Variants in XPR1 observed in about 807,000 individuals in gnomAD.
XPR1 encodes xenotropic and polytropic retrovirus receptor 1, also known as solute carrier family 53 member 1.
XPR1 carries 28 observed loss-of-function variants against 87.5 expected under a neutral mutation model. The observed-to-expected ratio is 0.32, with a 90% CI of 0.24 to 0.44. The LOEUF (loss-of-function observed/expected upper bound fraction) is 0.44. XPR1 is among the 20% of genes least tolerant of loss of function. The pLI is 1.00. For missense variants in XPR1, 559 were observed against 862.3 expected, an observed-to-expected ratio of 0.65 and a Z score of 4.41; for synonymous variants, 300 against 306.1, an observed-to-expected ratio of 0.98 and a Z score of 0.21.
chr1:180,846,708 A>G (rs539179384), intron 11 of XPR1, among the ~76,000 whole-genome samples: 2 of 152,134 alleles, frequency 1.3e-5, no homozygotes, highest in East Asian at 1.9e-4. Flanking sequence ...CGGGCTCCCA[A>G]AGTGTTGGGA....
At chr1:180,789,673 G>A (rs1649304968) in intron 3 of XPR1, among the ~76,000 whole-genome samples, 1 of 151,656 alleles carries the variant, frequency 6.6e-6, no homozygotes, top group Admixed American at 6.6e-5. Context: ...TCTTGCCTCT[G>A]TCTTCCTAAG....
At chr1:180,670,194 G>GT (rs1363392812) in intron 1 of XPR1, among the ~76,000 whole-genome samples, 1 of 152,002 alleles carries the variant, frequency 6.6e-6, no homozygotes, top group Non-Finnish European at 1.5e-5. Flanking sequence ...GCCAATTTCT[G>GT]TTTTTTCATT....
At chr1:180,710,987 G>A (rs182406144) in intron 2 of XPR1, among the ~76,000 whole-genome samples, 2,400 of 150,962 alleles carry the variant, frequency 0.016, 32 homozygotes, top group African/African-American at 0.032. Flanking sequence ...GGTGGCTGCC[G>A]GGCGGAGGGG....
chr1:180,674,267 G>GT (rs1340204216), intron 1 of XPR1, among the ~76,000 whole-genome samples: 22 of 152,064 alleles, frequency 1.4e-4, no homozygotes, highest in African/African-American at 5.3e-4. Flanking sequence ...TTGTTTTTGT[G>GT]TTTGTTTTTG....
chr1:180,837,776 A>G (rs184211981), intron 11 of XPR1, among the ~76,000 whole-genome samples: 1 of 152,284 alleles, frequency 6.6e-6, no homozygotes, highest in African/African-American at 2.4e-5. Flanking sequence ...ATTTTAACTC[A>G]TACTGTGGAA....
chr1:180,834,699 C>A (rs1419025480), intron 9 of XPR1, among the ~76,000 whole-genome samples, 175 bp from the exon 10 acceptor site: 1 of 152,086 alleles, frequency 6.6e-6, no homozygotes, highest in Non-Finnish European at 1.5e-5. Flanking sequence ...CAGCTCATTC[C>A]TTTCACTGCT....
At chr1:180,688,160 C>G (rs181060095) in intron 2 of XPR1, among the ~76,000 whole-genome samples, 24 of 149,306 alleles carry the variant, frequency 1.6e-4, no homozygotes, top group Non-Finnish European at 3.1e-4. Context: ...TCAAGTGATT[C>G]TCCTGCCTCA....
chr1:180,716,489 T>C (rs905220070), intron 2 of XPR1, among the ~76,000 whole-genome samples: 3 of 152,246 alleles, frequency 2.0e-5, no homozygotes, highest in African/African-American at 7.2e-5. Flanking sequence ...TTGTATTTTA[T>C]TGATATCCAC....
In XPR1 at chr1:180,683,513, T is replaced by C. The variant is rs567179791; in HGVS notation, c.121+1102T>C. 2.0e-4 allele frequency among the ~76,000 whole-genome samples: 31 copies of C among 152,334 alleles called. No homozygotes were observed. In the East Asian group the frequency reaches 5.0e-3, roughly 25 times the overall value. On this transcript the variant is annotated intron_variant, in intron 2 of 14. Coordinates refer to ENST00000367590, the MANE Select transcript of XPR1 (RefSeq NM_004736.4). ...GGATGGCTGGGTCAAATGGTATTTC[T>C]AGTTGTAGATCCCTGAGGAATCACC...
chr1:180,885,794 A>G lies in XPR1; in HGVS notation c.*1728A>G, dbSNP rs1571261077. 6.6e-6 allele frequency: 1 copy of G among 152,196 alleles called. No homozygotes were observed. The highest frequency in any genetic ancestry group is 1.9e-4 in the East Asian group (1 of 5,202). 9.4% of individuals were successfully genotyped at this position (152,196 alleles called of 1,614,324 possible). On this transcript the variant is annotated 3_prime_UTR_variant, in exon 15 of 15. Coordinates refer to ENST00000367590, the MANE Select transcript of XPR1 (RefSeq NM_004736.4). ...GGTTACTGCCCTTTAATACACTCCT[A>G]TCATCAGCACTTCCACCATGTATTA...
At chr1:180,879,594 C>G (rs1571254766) in intron 13 of XPR1, among the ~76,000 whole-genome samples, 1 of 152,168 alleles carries the variant, frequency 6.6e-6, no homozygotes, top group Admixed American at 6.5e-5. Flanking sequence ...GTCAGGTTTT[C>G]AATAGCTGCC....
intron 2 of XPR1, among the ~76,000 whole-genome samples, chr1:180,711,110 G>A (rs1657764247): frequency 6.6e-6 from 1 of 152,034 alleles, no homozygotes; most frequent in African/African-American, 2.4e-5. Context: ...GCTGGGCAGA[G>A]GCGCTCCTCA....
chr1:180,835,250 C>T (rs1245823596), intron 10 of XPR1, among the ~76,000 whole-genome samples: 1 of 152,116 alleles, frequency 6.6e-6, no homozygotes, highest in Non-Finnish European at 1.5e-5. Context: ...TTCGTCTGTC[C>T]ATTTGCCAAG....
At chr1:180,803,252 A>G (rs546139573) in intron 3 of XPR1, 136 bp from the exon 4 acceptor site, 15 of 764,556 alleles carry the variant, frequency 2.0e-5, no homozygotes, top group Non-Finnish European at 2.8e-5. Context: ...ATTTTTTCCT[A>G]TAGAGTTCTA....
Position 180,824,728 on chromosome 1 carries a change from G to A in XPR1, c.764-25G>A, listed in dbSNP as rs6672316. On this transcript the variant is annotated intron_variant, in intron 7 of 14. Coordinates refer to ENST00000367590, the MANE Select transcript of XPR1 (RefSeq NM_004736.4). ...AAGGGAAGTTATGAATTTTATAACT[G>A]ACCAATATCTTAATATTCTTTCAGC... is the stretch of plus-strand genomic sequence containing the variant. 8.0e-3 allele frequency: 12,557 copies of A among 1,569,544 alleles called. 880 individuals are homozygous for A. The African/African-American group carries it at 0.15, about 18-fold the overall frequency.
intron 12 of XPR1, among the ~76,000 whole-genome samples, chr1:180,866,139 G>C (rs903439223): frequency 6.6e-6 from 1 of 152,038 alleles, no homozygotes; most frequent in Non-Finnish European, 1.5e-5. Context: ...TTGAGCCCTG[G>C]AGTTCAAGAC....
intron 13 of XPR1, among the ~76,000 whole-genome samples, chr1:180,874,865 C>T (rs1652610914): frequency 6.6e-6 from 1 of 152,112 alleles, no homozygotes; most frequent in Non-Finnish European, 1.5e-5. Context: ...AATTTGTATG[C>T]ACCTAATAAA....
At chr1:180,703,251 G>T (rs979394078) in intron 2 of XPR1, among the ~76,000 whole-genome samples, 3 of 152,172 alleles carry the variant, frequency 2.0e-5, no homozygotes, top group African/African-American at 7.2e-5. Flanking sequence ...GTAGTGATCA[G>T]GGTGGGTTGA....
At chr1:180,732,116 T>C (rs1571777010) in intron 2 of XPR1, among the ~76,000 whole-genome samples, 1 of 150,388 alleles carries the variant, frequency 6.6e-6, no homozygotes, top group African/African-American at 2.5e-5. Flanking sequence ...TTGCTTGAAC[T>C]CTGGAGGCGG....
Sources: allele counts gnomAD v4.1 joint callset (sites outside exome capture counted in the v4.1 genomes callset), GRCh38; gene constraint gnomAD v4.1.1; transcripts MANE v1.5; gene names NCBI Gene and HGNC (gene_info 2026-07-23, HGNC 2026-07-21).